PCDHA4: variants seen among roughly 807,000 people sequenced by gnomAD.
PCDHA4 encodes the protein protocadherin alpha-4.
PCDHA4 carries 49 observed loss-of-function variants against 61.4 expected under a neutral mutation model. That is an observed-to-expected ratio of 0.80 (90% CI 0.63 to 1.01). PCDHA4 has a LOEUF of 1.01. Ranked by LOEUF, PCDHA4 falls within the 50% of genes least tolerant of loss-of-function variation. The probability of loss-of-function intolerance (pLI) is 0.00; values close to 1 mark genes in which losing one functional copy is unlikely to be tolerated. For missense variants in PCDHA4, 1,254 were observed against 1,235.8 expected, an observed-to-expected ratio of 1.01 and a Z score of -0.22; for synonymous variants, 590 against 550.3, an observed-to-expected ratio of 1.07 and a Z score of -1.01.
In PCDHA4 at chr5:140,849,729, G is replaced by A. The variant is rs1180272167; in HGVS notation, c.2385+40157G>A. On this transcript the variant is annotated intron_variant, in intron 1 of 3. Transcript: ENST00000530339. ...TTACTACTCGTTGGTGCTGGACAGA[G>A]CTCTGGACCGCGAGAGTGTGTCCGC... 5.6e-6 allele frequency: 9 copies of A among 1,598,378 alleles called. 1 individual carries two copies. Among genetic ancestry groups the A allele is most frequent in the Non-Finnish European group, 7.7e-6 (9 of 1,168,014 alleles).
rs2150169612 is a variant in PCDHA4 at position 140,829,534 on chromosome 5, C to G, written c.2385+19962C>G. 279 of 1,613,194 alleles carry G rather than the reference C, an allele frequency of 1.7e-4. No homozygotes were observed. The highest frequency in any genetic ancestry group is 2.3e-4 in the Non-Finnish European group (267 of 1,179,876). On this transcript the variant is annotated intron_variant, in intron 1 of 3. Coordinates refer to ENST00000530339, the MANE Select transcript of PCDHA4 (RefSeq NM_018907.4). The stretch of plus-strand genomic sequence containing the variant: ...ACATCTTCACGGTGTCTGCGCGAGA[C>G]GCGGACGCGCAGGAGAACGCGCTGG...
At chr5:140,970,597 TA>T (rs2096419556) in intron 1 of PCDHA4, among the ~76,000 whole-genome samples, 4 of 152,198 alleles carry the variant, frequency 2.6e-5, no homozygotes, top group Non-Finnish European at 5.9e-5. Context: ...TGCTTTGTGA[TA>T]CTTAAAACTT....
chr5:140,887,306 C>G (rs2061398552), intron 1 of PCDHA4, among the ~76,000 whole-genome samples: 1 of 152,096 alleles, frequency 6.6e-6, no homozygotes. Flanking sequence ...TCTTGTTAGC[C>G]AGGATAGTCT....
intron 1 of PCDHA4, among the ~76,000 whole-genome samples, chr5:140,959,421 TTTG>T (rs1393541693): frequency 6.6e-6 from 1 of 152,102 alleles, no homozygotes; most frequent in East Asian, 1.9e-4. Flanking sequence ...GATCTGAGAA[TTTG>T]TGTATTTTTT....
intron 1 of PCDHA4, among the ~76,000 whole-genome samples, chr5:140,959,996 A>T (rs1042631849): frequency 3.3e-5 from 5 of 152,228 alleles, no homozygotes; most frequent in Admixed American, 6.5e-5. Context: ...GATATGAAAT[A>T]CAAATCTATT....
rs113142258 is a variant in PCDHA4, at chr5:140,939,756, T to C, written c.2386-39193T>C. 3.3e-3 allele frequency among the ~76,000 whole-genome samples: 504 copies of C among 152,358 alleles called. 2 individuals carry two copies. Among genetic ancestry groups the C allele is most frequent in the African/African-American group, 0.012 (483 of 41,584 alleles). Reference sequence around the variant, plus strand: ...AGCTGTGTATCATTCATTGTCATTATATAGTATTTCAGGGTGTGAATGGTC... The same window carrying C: ...AGCTGTGTATCATTCATTGTCATTACATAGTATTTCAGGGTGTGAATGGTC... On this transcript the variant is annotated intron_variant, in intron 1 of 3. Transcript: ENST00000530339.
intron 1 of PCDHA4, chr5:140,851,252 G>T: frequency 9.2e-7 from 1 of 1,089,164 alleles, no homozygotes; most frequent in Non-Finnish European, 1.2e-6. Flanking sequence ...ATGATGCATA[G>T]TATTTTAGTC....
At chr5:140,823,692 C>A in intron 1 of PCDHA4, 1 of 1,613,934 alleles carries the variant, frequency 6.2e-7, no homozygotes, top group South Asian at 1.1e-5. Flanking sequence ...TGGATGAGAC[C>A]GAAGCACCGC....
At chr5:140,823,015 C>T (rs2150121299) in intron 1 of PCDHA4, 6 of 1,614,106 alleles carry the variant, frequency 3.7e-6, no homozygotes, top group East Asian at 2.2e-5. Flanking sequence ...CGCCCTGGAC[C>T]GCGAGAGCGT....
intron 1 of PCDHA4, among the ~76,000 whole-genome samples, chr5:140,910,488 A>G (rs1195141583): frequency 2.0e-5 from 3 of 152,232 alleles, no homozygotes; most frequent in African/African-American, 7.2e-5. Flanking sequence ...CATACAGAGA[A>G]GAGCAATCAC....
chr5:140,850,955 C>G (rs782006051), intron 1 of PCDHA4: 1 of 1,482,450 alleles, frequency 6.7e-7, no homozygotes, highest in African/African-American at 1.4e-5. Context: ...ATCGATTACT[C>G]CCAGGGGCCG....
At chr5:140,946,219 G>A (rs2093905754) in intron 1 of PCDHA4, among the ~76,000 whole-genome samples, 1 of 151,856 alleles carries the variant, frequency 6.6e-6, no homozygotes, top group Non-Finnish European at 1.5e-5. Context: ...TGACCAACAG[G>A]TATACTAAAA....
intron 1 of PCDHA4, 100 bp downstream of exon 1, chr5:140,809,672 T>A: frequency 7.2e-7 from 1 of 1,380,526 alleles, no homozygotes; most frequent in Non-Finnish European, 9.8e-7. Context: ...TGGGTTAAAA[T>A]TTTACCTCTT....
chr5:140,856,200 T>G (rs1463727286), intron 1 of PCDHA4: 1 of 1,597,908 alleles, frequency 6.3e-7, no homozygotes, highest in African/African-American at 1.3e-5. Flanking sequence ...GCGCAGGACC[T>G]GGGGCTGGAG....
chr5:140,983,548 T>C (rs1479703561), intron 3 of PCDHA4, among the ~76,000 whole-genome samples: 1 of 152,212 alleles, frequency 6.6e-6, no homozygotes, highest in African/African-American at 2.4e-5. Context: ...GTCTCATTTA[T>C]TCCTTAAGTC....
Position 140,834,070 on chromosome 5 carries a change from C to T in PCDHA4, c.2385+24498C>T, listed in dbSNP as rs2150213286. Among the ~76,000 whole-genome samples the T allele has an allele frequency of 2.5e-4, 38 of 152,286 alleles. No homozygotes were observed. The East Asian group carries it at 5.2e-3, about 21-fold the overall frequency. ...ATGCTTCTAACAATCATGAGAAATG[C>T]TATTTTAACCTTTAACAACAATGAA... On this transcript the variant is annotated intron_variant, in intron 1 of 3. Transcript: ENST00000530339.
rs370812126 is a variant in PCDHA4, at chr5:140,869,802, G to A, written c.2385+60230G>A. On this transcript the variant is annotated intron_variant, in intron 1 of 3. Coordinates refer to ENST00000530339, the MANE Select transcript of PCDHA4 (RefSeq NM_018907.4). ...CCGTTCGGCTGTTAGTCCAAGTCTT[G>A]GATGTCAACGACAATGATCCAGAGT... 12 of 1,612,438 alleles carry A rather than the reference G, an allele frequency of 7.4e-6. No homozygotes were observed. The African/African-American group carries it at 1.3e-4, about 18-fold the overall frequency.
intron 3 of PCDHA4, among the ~76,000 whole-genome samples, chr5:141,007,300 T>C (rs185284872): frequency 6.6e-6 from 1 of 151,058 alleles, no homozygotes; most frequent in Admixed American, 6.6e-5. Context: ...CCTGTAATCT[T>C]AGCATTTTGG....
chr5:140,941,942 T>C (rs2093203170), intron 1 of PCDHA4, among the ~76,000 whole-genome samples: 1 of 152,234 alleles, frequency 6.6e-6, no homozygotes, highest in African/African-American at 2.4e-5. Flanking sequence ...GAATTACTTT[T>C]GTTTTGAAAA....
Sources: gnomAD v4.1 joint callset for allele counts (sites outside exome capture counted in the v4.1 genomes callset) on GRCh38, gnomAD v4.1.1 for gene constraint, MANE v1.5 for transcripts, NCBI Gene and HGNC (gene_info 2026-07-23, HGNC 2026-07-21) for gene names.